Variants in ATP2C2 observed in about 807,000 individuals in gnomAD.
ATP2C2 encodes calcium-transporting ATPase type 2C member 2.
Under a neutral mutation model 110.8 loss-of-function variants are expected in ATP2C2, and 171 were observed. That is an observed-to-expected ratio of 1.54 (90% CI 1.36 to 1.75). ATP2C2 has a LOEUF of 1.75. Among genes scored for constraint, ATP2C2 ranks in the 40% most tolerant of loss-of-function variants. ATP2C2 has a pLI of 0.00. For missense variants in ATP2C2, 1,963 were observed against 1,235.0 expected (o/e 1.59, Z -8.84); for synonymous variants, 804 against 508.4 (o/e 1.58, Z -7.82).
Position 84,463,791 on chromosome 16 carries a change from C to T in ATP2C2, c.*59C>T, listed in dbSNP as rs915416287. The T allele has an allele frequency of 9.0e-6, 13 of 1,440,960 alleles. No individual in the cohort carries two copies. In the African/African-American group the frequency reaches 1.8e-4, roughly 20 times the overall value. The allele number at this position is 1,440,960 out of a possible 1,614,324, so 89.3% of individuals were successfully genotyped here. ...CTCGATCTGGTTGTGACTGTGGCCC[C>T]TGCCGTGTCTCCTCGTCAGGGGAGA... On this transcript the variant is annotated 3_prime_UTR_variant, in exon 27 of 27. Transcript: ENST00000262429.
chr16:84,401,038 G>T (rs914462668), intron 2 of ATP2C2, among the ~76,000 whole-genome samples: 1 of 152,064 alleles, frequency 6.6e-6, no homozygotes, highest in African/African-American at 2.4e-5. Flanking sequence ...CTTTGTTGAT[G>T]ATTTCCTTTG....
In ATP2C2 at chr16:84,430,838, G is replaced by A. The variant is rs576936949; in HGVS notation, c.986+5037G>A. Among the ~76,000 whole-genome samples, 38 of 152,072 alleles carry A rather than the reference G, an allele frequency of 2.5e-4. 1 individual carries two copies. Among genetic ancestry groups the A allele is most frequent in the African/African-American group, 8.4e-4 (35 of 41,454 alleles). ...CACTAGCACAACTTATGGGATCAGG[G>A]CATGGAAGAGACAGACTTCAAACCA... On this transcript the variant is annotated intron_variant, in intron 11 of 26. Transcript: ENST00000262429.
intron 21 of ATP2C2, among the ~76,000 whole-genome samples, chr16:84,455,726 G>A (rs1910733718): frequency 1.4e-5 from 2 of 145,570 alleles, no homozygotes; most frequent in African/African-American, 2.6e-5. Context: ...CAGTTGATTC[G>A]CCATAGGAAG....
At chr16:84,439,326 G>T (rs577967745) in intron 12 of ATP2C2, 36 bp downstream of exon 12, 1 of 1,613,610 alleles carries the variant, frequency 6.2e-7, no homozygotes, top group Admixed American at 1.7e-5. Flanking sequence ...CTTACACGTG[G>T]AATTGAATGG....
chr16:84,442,698 C>T (rs770717054), intron 15 of ATP2C2, 99 bp downstream of exon 15: 157 of 1,154,574 alleles, frequency 1.4e-4, no homozygotes, highest in South Asian at 4.3e-4. Flanking sequence ...GGAGTGGGGA[C>T]GTTAGGTAAT....
intron 11 of ATP2C2, among the ~76,000 whole-genome samples, chr16:84,429,310 C>G (rs890731570): frequency 6.6e-6 from 1 of 152,002 alleles, no homozygotes; most frequent in Non-Finnish European, 1.5e-5. Flanking sequence ...CACCACCACA[C>G]CCAGCTAATT....
At position 84,380,218 on chromosome 16, in the gene ATP2C2, C is replaced by T. The variant is rs541448591; in HGVS notation, c.99+11504C>T. ...AACACCTATCTCACCAGGCCTTCTC[C>T]TCCTTCTACCCCCTCCCCCAGATAT... is the stretch of plus-strand genomic sequence containing the variant. On this transcript the variant is annotated intron_variant, in intron 1 of 26. Coordinates refer to ENST00000262429, the MANE Select transcript of ATP2C2 (RefSeq NM_014861.4). 8.5e-5 allele frequency among the ~76,000 whole-genome samples: 13 copies of T among 152,306 alleles called. No homozygotes were observed. In the South Asian group the frequency reaches 2.7e-3, roughly 32 times the overall value.
In ATP2C2 at chr16:84,452,039, T is replaced by C. The variant is rs965457992; in HGVS notation, c.1779T>C (p.Gly593=). 6 of 1,611,676 alleles carry C rather than the reference T, an allele frequency of 3.7e-6. No homozygotes were observed. Among genetic ancestry groups the C allele is most frequent in the African/African-American group, 1.4e-5 (1 of 73,882 alleles). The part of the protein sequence containing the change: ...KEAVQVLSES[G]VSVKMITGDA... ...CAGTCCAGGTTCTCTCCGAGTCTGGTGTGTCTGTGAAGATGATAACGGGGG... is the reference window on the plus strand; with the variant it reads ...CAGTCCAGGTTCTCTCCGAGTCTGGCGTGTCTGTGAAGATGATAACGGGGG... The change falls in exon 18 of 27, where the codon GGT becomes GGC. Residue 593 remains glycine (G), a synonymous_variant. Coordinates refer to ENST00000262429, the MANE Select transcript of ATP2C2 (RefSeq NM_014861.4).
At chr16:84,433,908 C>G (rs1053400804) in intron 11 of ATP2C2, among the ~76,000 whole-genome samples, 4 of 152,152 alleles carry the variant, frequency 2.6e-5, no homozygotes, top group Non-Finnish European at 4.4e-5. Context: ...GCACGGGCAT[C>G]CCGCTTGATC....
rs745387773 is a variant in ATP2C2, at chr16:84,415,607, C to A, written c.624+16C>A. The A allele has an allele frequency of 1.3e-6, 2 of 1,594,450 alleles. No individual in the cohort carries two copies. Among genetic ancestry groups the A allele is most frequent in the Admixed American group, 1.7e-5 (1 of 58,110 alleles). On this transcript the variant is annotated intron_variant, in intron 7 of 26. Coordinates refer to ENST00000262429, the MANE Select transcript of ATP2C2 (RefSeq NM_014861.4). The stretch of plus-strand genomic sequence containing the variant: ...ACTCACTGAGGTGAGTGGTTCCAAA[C>A]CCTTGTCAATGGGGTATTTGATGGA...
intron 7 of ATP2C2, among the ~76,000 whole-genome samples, chr16:84,420,664 C>G (rs1391041464): frequency 6.6e-6 from 1 of 152,112 alleles, no homozygotes; most frequent in East Asian, 1.9e-4. Context: ...GTCTGTGACA[C>G]TTTCAGATCC....
At position 84,371,955 on chromosome 16, in the gene ATP2C2, C is replaced by T. The variant is rs545937156; in HGVS notation, c.99+3241C>T. ...AGGCACCCAGCAACTGGTCACAGTTCACTGTTTAATGCCAACGTGTCAGAG... is the reference window on the plus strand; with the variant it reads ...AGGCACCCAGCAACTGGTCACAGTTTACTGTTTAATGCCAACGTGTCAGAG... On this transcript the variant is annotated intron_variant, in intron 1 of 26. Coordinates refer to ENST00000262429, the MANE Select transcript of ATP2C2 (RefSeq NM_014861.4). Among the ~76,000 whole-genome samples, 4 of 152,302 alleles carry T rather than the reference C, an allele frequency of 2.6e-5. No homozygotes were observed. In the East Asian group the frequency reaches 7.7e-4, roughly 29 times the overall value.
intron 4 of ATP2C2, 106 bp downstream of exon 4, chr16:84,408,600 A>T: frequency 1.2e-6 from 1 of 808,402 alleles, no homozygotes; most frequent in South Asian, 1.6e-5. Flanking sequence ...TGTAGGGGGG[A>T]AAAAGGAGCA....
intron 1 of ATP2C2, among the ~76,000 whole-genome samples, chr16:84,393,992 T>G (rs1904817122): frequency 7.2e-6 from 1 of 139,232 alleles, no homozygotes. Context: ...CTTGTCTCAA[T>G]TAAAAATACC....
chr16:84,399,828 G>C (rs970549061), intron 2 of ATP2C2, among the ~76,000 whole-genome samples: 1 of 152,066 alleles, frequency 6.6e-6, no homozygotes, highest in Admixed American at 6.6e-5. Flanking sequence ...GACAACAGTC[G>C]CCCTGTCATG....
intron 11 of ATP2C2, among the ~76,000 whole-genome samples, chr16:84,431,450 C>G (rs956184840): frequency 6.6e-6 from 1 of 152,002 alleles, no homozygotes; most frequent in African/African-American, 2.4e-5. Flanking sequence ...GAGCCGACAT[C>G]TCACCACTGC....
At chr16:84,382,229 T>TA (rs1013347003) in intron 1 of ATP2C2, among the ~76,000 whole-genome samples, 1 of 152,124 alleles carries the variant, frequency 6.6e-6, no homozygotes, top group African/African-American at 2.4e-5. Context: ...AGTGAGAACA[T>TA]ACGGTGTTTG....
At chr16:84,410,338 G>A (rs536737536) in intron 4 of ATP2C2, among the ~76,000 whole-genome samples, 3 of 152,208 alleles carry the variant, frequency 2.0e-5, no homozygotes, top group African/African-American at 4.8e-5. Context: ...GTGTGTCTAC[G>A]CAGAAAAATC....
intron 2 of ATP2C2, among the ~76,000 whole-genome samples, chr16:84,399,723 G>A (rs1180281886): frequency 6.6e-6 from 1 of 152,166 alleles, no homozygotes; most frequent in East Asian, 1.9e-4. Flanking sequence ...CAGGGCAAAC[G>A]GGGTCTCCAT....
Sources: allele counts gnomAD v4.1 joint callset (sites outside exome capture counted in the v4.1 genomes callset), GRCh38; gene constraint gnomAD v4.1.1; transcripts MANE v1.5; gene names NCBI Gene and HGNC (gene_info 2026-07-23, HGNC 2026-07-21).